ABCC8: variants seen among roughly 807,000 people sequenced by gnomAD.
ABCC8 encodes ATP-binding cassette sub-family C member 8.
A neutral mutation model predicts 188.0 loss-of-function variants in ABCC8; 137 were observed. The ratio of observed to expected loss-of-function variants is 0.73; its 90% CI spans 0.63 to 0.84. The LOEUF (loss-of-function observed/expected upper bound fraction) is 0.84, where lower values mean the gene tolerates loss of function less well. Ranked by LOEUF, ABCC8 falls within the 40% of genes least tolerant of loss-of-function variation. The pLI, the probability that ABCC8 is intolerant of heterozygous loss-of-function variation, is 0.00. For missense variants in ABCC8, 1,750 were observed against 2,072.7 expected, an observed-to-expected ratio of 0.84 and a Z score of 3.02; for synonymous variants, 797 against 846.5, an observed-to-expected ratio of 0.94 and a Z score of 1.01.
rs776596489 is a variant in ABCC8, at chr11:17,470,080, T to C, written c.412+21A>G. ...AAGAAATGAATGAAGGTACTGCCCC[T>C]CCCTCCTACACCTCACCTACCAATT... is the stretch of plus-strand genomic sequence containing the variant. On this transcript the variant is annotated intron_variant, in intron 3 of 38. Transcript: ENST00000389817. The C allele has an allele frequency of 8.7e-6, 14 of 1,613,548 alleles. No individual in the cohort carries two copies. In the South Asian group the frequency reaches 1.2e-4, roughly 14 times the overall value.
intron 29 of ABCC8, among the ~76,000 whole-genome samples, chr11:17,401,142 C>T (rs1954220484): frequency 6.6e-6 from 1 of 152,206 alleles, no homozygotes; most frequent in African/African-American, 2.4e-5. Flanking sequence ...CTCTCTACCC[C>T]AGGGCCCTCT....
At chr11:17,449,289 T>C (rs1396678083) in intron 7 of ABCC8, among the ~76,000 whole-genome samples, 1 of 152,156 alleles carries the variant, frequency 6.6e-6, no homozygotes, top group East Asian at 1.9e-4. Context: ...CAGAGGCCAG[T>C]GGAGAACACA....
Position 17,427,833 on chromosome 11 carries a change from G to A in ABCC8, c.2116+34C>T, listed in dbSNP as rs1564923210. 6.2e-7 allele frequency: 1 copy of A among 1,612,566 alleles called. No individual in the cohort carries two copies. The highest frequency in any genetic ancestry group is 8.5e-7 in the Non-Finnish European group (1 of 1,179,220). On this transcript the variant is annotated intron_variant, in intron 15 of 38. Transcript: ENST00000389817. The surrounding 1 kb of genome is among the most constrained non-coding windows in gnomAD (Gnocchi z 5.0). The stretch of plus-strand genomic sequence containing the variant: ...TCTATGTTATTCAGTGGGACATGGG[G>A]AGGGGCATGCTGGAGGGGTGGACTG...
intron 36 of ABCC8, 73 bp downstream of exon 36, chr11:17,395,099 G>T: frequency 2.6e-6 from 4 of 1,533,878 alleles, no homozygotes; most frequent in South Asian, 1.2e-5. Context: ...CCTGAGACAC[G>T]GGCTTCTGTC....
At chr11:17,472,509 C>T (rs1848536062) in intron 2 of ABCC8, among the ~76,000 whole-genome samples, 1 of 152,168 alleles carries the variant, frequency 6.6e-6, no homozygotes, top group Non-Finnish European at 1.5e-5. Context: ...TCCCACCTGC[C>T]CCCTAAATTT....
chr11:17,416,851 C>A, intron 17 of ABCC8, 79 bp downstream of exon 17: 2 of 1,565,278 alleles, frequency 1.3e-6, no homozygotes, highest in South Asian at 1.1e-5. Flanking sequence ...CTCAGCATTA[C>A]CCACCCACAA....
At chr11:17,397,091 A>G (rs1348876835) in intron 32 of ABCC8, 45 bp from the exon 33 acceptor site, 4 of 1,614,004 alleles carry the variant, frequency 2.5e-6, no homozygotes, top group Non-Finnish European at 2.5e-6. Flanking sequence ...GGCCACAGCT[A>G]GTATCCGAAA....
chr11:17,459,384 A>C (rs1957104939), intron 6 of ABCC8, among the ~76,000 whole-genome samples: 1 of 152,154 alleles, frequency 6.6e-6, no homozygotes, highest in Admixed American at 6.5e-5. Flanking sequence ...GGCCTGGCAC[A>C]CAGCAGTGTT....
chr11:17,415,441 C>T (rs1244591558), intron 17 of ABCC8, 102 bp from the exon 18 acceptor site: 2 of 1,551,302 alleles, frequency 1.3e-6, no homozygotes, highest in Non-Finnish European at 8.7e-7. Context: ...CATGCCTTTA[C>T]AATCCCCTGG....
rs1847958196 is a variant in ABCC8, at chr11:17,463,542, C to G, written c.475G>C (p.Asp159His). 6.3e-7 allele frequency: 1 copy of G among 1,596,568 alleles called. No homozygotes were observed. Among genetic ancestry groups the G allele is most frequent in the African/African-American group, 1.3e-5 (1 of 74,792 alleles). The part of the protein sequence containing the change: ...TKTIKFVKFL[D>H]HAIGFSQLRF... The stretch of plus-strand genomic sequence containing the variant: ...AGCTGCGAGAAGCCGATGGCGTGGT[C>G]CAAGAACTTGACAAACTTGATGGTC... The change falls in exon 4 of 39, where the codon GAC becomes CAC. Residue 159 changes from aspartate to histidine, a missense_variant. Physicochemically the swap from Asp to His is moderately conservative, Grantham distance 81. Coordinates refer to ENST00000389817, the MANE Select transcript of ABCC8 (RefSeq NM_000352.6).
intron 20 of ABCC8, among the ~76,000 whole-genome samples, chr11:17,413,164 G>A (rs975442339): frequency 6.6e-6 from 1 of 152,144 alleles, no homozygotes; most frequent in Non-Finnish European, 1.5e-5. Context: ...GGGTGCAAAT[G>A]AAGAAGATCC....
intron 6 of ABCC8, among the ~76,000 whole-genome samples, chr11:17,455,796 G>A (rs1328263671): frequency 6.6e-6 from 1 of 151,920 alleles, no homozygotes; most frequent in Non-Finnish European, 1.5e-5. Context: ...AAAAATAGCT[G>A]GACATGGTGA....
In ABCC8 at chr11:17,461,682, G is replaced by A. The variant is rs147276708; in HGVS notation, c.723C>T (p.His241=). Residue 241 remains histidine, a synonymous_variant, in exon 5 of 39, where the codon CAC becomes CAT. Coordinates refer to ENST00000389817, the MANE Select transcript of ABCC8 (RefSeq NM_000352.6). ...TGGCTCGCAAGTCGATGGGCTTCTT[G>A]TGGGCAGTCTTGATGAAGGCGTTCA... The part of the protein sequence containing the change: ...WWMNAFIKTA[H]KKPIDLRAIG... 24 of 1,614,114 alleles carry A rather than the reference G, an allele frequency of 1.5e-5. No homozygotes were observed. In the African/African-American group the frequency reaches 3.2e-4, roughly 22 times the overall value.
chr11:17,466,260 G>A (rs10832791), intron 3 of ABCC8, among the ~76,000 whole-genome samples: 54,152 of 151,788 alleles, frequency 0.36, 9,831 homozygotes, highest in Middle Eastern at 0.46. Context: ...TTAGCCAGGC[G>A]TGGTGGCAGG....
chr11:17,430,043 A>C (rs1365846499), intron 12 of ABCC8: 1 of 152,692 alleles, frequency 6.5e-6, no homozygotes, highest in African/African-American at 2.4e-5. Context: ...CACAGAGGAC[A>C]TTTGTTACTG....
chr11:17,474,806 G>A, intron 2 of ABCC8, 80 bp downstream of exon 2: 1 of 1,455,850 alleles, frequency 6.9e-7, no homozygotes. Flanking sequence ...TGGAATATAG[G>A]TGAGCTAGGA....
At chr11:17,453,836 C>T (rs1238484953) in intron 6 of ABCC8, among the ~76,000 whole-genome samples, 3 of 152,146 alleles carry the variant, frequency 2.0e-5, no homozygotes, top group South Asian at 2.1e-4. Context: ...GACCCAAGCC[C>T]GCCAGCCTCA....
intron 5 of ABCC8, 173 bp downstream of exon 5, chr11:17,461,410 C>A: frequency 1.2e-6 from 1 of 817,748 alleles, no homozygotes. Flanking sequence ...GAATCCTCAG[C>A]CCTGCACCTG....
At chr11:17,401,630 C>T (rs1954249328) in intron 29 of ABCC8, among the ~76,000 whole-genome samples, 1 of 152,136 alleles carries the variant, frequency 6.6e-6, no homozygotes, top group Admixed American at 6.5e-5. Flanking sequence ...AGCTGTGCCA[C>T]CCTAAAAATA....
Sources: gnomAD v4.1 joint callset for allele counts (sites outside exome capture counted in the v4.1 genomes callset) on GRCh38, gnomAD v4.1.1 for gene constraint, Gnocchi (gnomAD v3.1) non-coding constraint, MANE v1.5 for transcripts, NCBI Gene and HGNC (gene_info 2026-07-23, HGNC 2026-07-21) for gene names.